Variants in SLC13A5 observed in about 807,000 individuals in gnomAD.
The protein encoded by SLC13A5 is solute carrier family 13 member 5.
A neutral mutation model predicts 56.5 loss-of-function variants in SLC13A5; 25 were observed. The observed-to-expected ratio is 0.44, with a 90% CI of 0.32 to 0.62. The LOEUF is 0.62. SLC13A5 is among the 20% of genes least tolerant of loss of function. The pLI is 0.04. For missense variants in SLC13A5, 649 were observed against 737.8 expected (o/e 0.88, Z 1.39); for synonymous variants, 307 against 301.5 (o/e 1.02, Z -0.19).
At position 6,701,799 on chromosome 17, in the gene SLC13A5, G is replaced by A. The variant is rs1018811817; in HGVS notation, c.717-673C>T. 3.9e-5 allele frequency among the ~76,000 whole-genome samples: 6 copies of A among 152,324 alleles called. No individual in the cohort carries two copies. Among genetic ancestry groups the A allele is most frequent in the African/African-American group, 7.2e-5 (3 of 41,590 alleles). On this transcript the variant is annotated intron_variant, in intron 5 of 11. Coordinates refer to ENST00000433363, the MANE Select transcript of SLC13A5 (RefSeq NM_177550.5). This position sits in a 1 kb window ranked among gnomAD's most constrained non-coding sequence, Gnocchi z 4.1. ...GATCTGCAGAGACCTCAGCAATCTCGCTCTGTGGGTTTCTGCAAAGAACGG... is the reference window on the plus strand; with the variant it reads ...GATCTGCAGAGACCTCAGCAATCTCACTCTGTGGGTTTCTGCAAAGAACGG...
chr17:6,708,451 CATTG>C (rs1973930258), intron 1 of SLC13A5, among the ~76,000 whole-genome samples: 1 of 152,232 alleles, frequency 6.6e-6, no homozygotes, highest in Non-Finnish European at 1.5e-5. Flanking sequence ...CACTTAACAT[CATTG>C]ATTGGTTTTT....
In SLC13A5 at chr17:6,685,071, G is replaced by A. The variant is rs1011782847; in HGVS notation, c.*1136C>T. ...TCAAGTAGATTGGCCCACGGGCAGG[G>A]GTTGTTTGCTGAGAGATCACCAAGC... On this transcript the variant is annotated 3_prime_UTR_variant, in exon 12 of 12. Coordinates refer to ENST00000433363, the MANE Select transcript of SLC13A5 (RefSeq NM_177550.5). The surrounding 1 kb of genome is among the most constrained non-coding windows in gnomAD (Gnocchi z 4.2). 1 of 152,198 alleles carries A rather than the reference G, an allele frequency of 6.6e-6. No homozygotes were observed. Among genetic ancestry groups the A allele is most frequent in the Non-Finnish European group, 1.5e-5 (1 of 68,046 alleles). 9.4% of individuals were successfully genotyped at this position (152,198 alleles called of 1,614,324 possible). A position where few individuals can be genotyped will look rare whatever the true frequency, so the allele number is the denominator to read the frequency against.
Position 6,693,083 on chromosome 17 carries a change from C to A in SLC13A5, c.1236G>T (p.Leu412=). The change falls in exon 9 of 12, where the codon CTG becomes CTT. Residue 412 remains leucine, a synonymous_variant. Transcript: ENST00000433363. ...CCAGAGCAAATCCGCCCCCTAGTAGCAGCACGATGCCCCAGGGCACTTTCT... is the reference window on the plus strand; with the variant it reads ...CCAGAGCAAATCCGCCCCCTAGTAGAAGCACGATGCCCCAGGGCACTTTCT... ...TQEKVPWGIV[L]LLGGGFALAK... 1 of 1,614,040 alleles carries A rather than the reference C, an allele frequency of 6.2e-7. No homozygotes were observed. Among genetic ancestry groups the A allele is most frequent in the Non-Finnish European group, 8.5e-7 (1 of 1,180,018 alleles).
At chr17:6,691,031 A>G in intron 9 of SLC13A5, 91 bp from the exon 10 acceptor site, 1 of 1,415,914 alleles carries the variant, frequency 7.1e-7, no homozygotes, top group Non-Finnish European at 9.5e-7. Flanking sequence ...TCCCCTCCCG[A>G]CCCTCTCTCT....
chr17:6,706,195 T>C (rs1307772701), intron 3 of SLC13A5, among the ~76,000 whole-genome samples: 7 of 152,150 alleles, frequency 4.6e-5, no homozygotes, highest in Admixed American at 2.6e-4. Flanking sequence ...TCGGGGAAGA[T>C]AAGAAGCTTC....
rs1052745335 is a variant in SLC13A5, at chr17:6,701,484, G to A, written c.717-358C>T. On this transcript the variant is annotated intron_variant, in intron 5 of 11. Transcript: ENST00000433363. The surrounding 1 kb of genome is among the most constrained non-coding windows in gnomAD (Gnocchi z 4.1). ...TCCAGGACTCTGGGAGGCCGAGGCA[G>A]GTGGGGCACAAGGTCAGGAGCTTAA... Among the ~76,000 whole-genome samples, 1 of 152,220 alleles carries A rather than the reference G, an allele frequency of 6.6e-6. No individual in the cohort carries two copies. The highest frequency in any genetic ancestry group is 1.5e-5 in the Non-Finnish European group (1 of 68,038).
In SLC13A5 at chr17:6,706,719, G is replaced by A. The variant is rs748998615; in HGVS notation, c.291C>T (p.Ala97=). ...GCAGGTTCCAGCGCTCCACAGCCACGGCCACGATGAGGCCGCCCAGGAACA... is the reference window on the plus strand; with the variant it reads ...GCAGGTTCCAGCGCTCCACAGCCACAGCCACGATGAGGCCGCCCAGGAACA... ...NMLFLGGLIV[A]VAVERWNLHK... The change falls in exon 3 of 12, where the codon GCC becomes GCT. Residue 97 remains alanine, a synonymous_variant. Transcript: ENST00000433363. The A allele has an allele frequency of 1.2e-5, 20 of 1,613,918 alleles. No homozygotes were observed. Among genetic ancestry groups the A allele is most frequent in the Admixed American group, 3.3e-5 (2 of 59,996 alleles).
chr17:6,696,044 C>T (rs1567618097), intron 6 of SLC13A5, 103 bp from the exon 7 acceptor site: 21 of 1,095,196 alleles, frequency 1.9e-5, no homozygotes, highest in Non-Finnish European at 8.1e-6. Context: ...CAAAAAGACA[C>T]ATAATGCTGT....
Position 6,685,474 on chromosome 17 carries a change from T to G in SLC13A5, c.*733A>C, listed in dbSNP as rs1282883049. ...GACCAAGGAGTTGAAGGAGGCTCAC[T>G]GGAGAGGTGGGACAGGGGGCCAGTC... On this transcript the variant is annotated 3_prime_UTR_variant, in exon 12 of 12. Coordinates refer to ENST00000433363, the MANE Select transcript of SLC13A5 (RefSeq NM_177550.5). The surrounding 1 kb of genome is among the most constrained non-coding windows in gnomAD (Gnocchi z 4.2). 6.6e-6 allele frequency: 1 copy of G among 152,468 alleles called. No homozygotes were observed. Among genetic ancestry groups the G allele is most frequent in the African/African-American group, 2.4e-5 (1 of 41,450 alleles). 9.4% of individuals were successfully genotyped at this position (152,468 alleles called of 1,614,324 possible).
Position 6,693,087 on chromosome 17 carries a change from A to G in SLC13A5, c.1232T>C (p.Val411Ala). Residue 411 changes from valine to alanine, a missense_variant, in exon 9 of 12, where the codon GTG becomes GCG. Transcript: ENST00000433363. Reference sequence around the variant, plus strand: ...AGCAAATCCGCCCCCTAGTAGCAGCACGATGCCCCAGGGCACTTTCTCCTG... The same window carrying G: ...AGCAAATCCGCCCCCTAGTAGCAGCGCGATGCCCCAGGGCACTTTCTCCTG... ...VTQEKVPWGI[V>A]LLLGGGFALA... is the part of the protein sequence containing the mutation. 1.2e-6 allele frequency: 2 copies of G among 1,613,618 alleles called. No homozygotes were observed. Among genetic ancestry groups the G allele is most frequent in the Non-Finnish European group, 1.7e-6 (2 of 1,179,806 alleles).
intron 6 of SLC13A5, among the ~76,000 whole-genome samples, chr17:6,697,675 A>C (rs555036491): frequency 5.9e-5 from 9 of 152,322 alleles, no homozygotes; most frequent in African/African-American, 2.2e-4. Flanking sequence ...TGAGCTTTGC[A>C]TGCCTCTGCC....
At position 6,687,851 on chromosome 17, in the gene SLC13A5, C is replaced by A; in HGVS notation, c.1438-185G>T. On this transcript the variant is annotated intron_variant, in intron 10 of 11. Transcript: ENST00000433363. This position sits in a 1 kb window ranked among gnomAD's most constrained non-coding sequence, Gnocchi z 5.0. ...CCTACGGAACACTGAAGGCTGAGGTCAGAGGCCACCTGCCCTAGAAGGCCT... is the reference window on the plus strand; with the variant it reads ...CCTACGGAACACTGAAGGCTGAGGTAAGAGGCCACCTGCCCTAGAAGGCCT... 1.6e-6 allele frequency: 1 copy of A among 641,072 alleles called. No individual in the cohort carries two copies. Among genetic ancestry groups the A allele is most frequent in the Non-Finnish European group, 2.4e-6 (1 of 408,626 alleles). The allele number at this position is 641,072 out of a possible 1,614,324, so 39.7% of individuals were successfully genotyped here.
intron 10 of SLC13A5, chr17:6,690,079 AAAAAAAAAAAAAAAAAC>A (rs1242260784): frequency 2.7e-5 from 4 of 148,462 alleles, no homozygotes; most frequent in South Asian, 2.2e-4. Context: ...AAAAAAAAAA[AAAAAAAAAAAAAAAAAC>A]CATAGCCACT....
intron 6 of SLC13A5, among the ~76,000 whole-genome samples, chr17:6,696,859 G>A (rs1973575703): frequency 6.6e-6 from 1 of 152,144 alleles, no homozygotes; most frequent in Admixed American, 6.5e-5. Context: ...GGAAGGGGTT[G>A]ATGGAATAGG....
intron 6 of SLC13A5, among the ~76,000 whole-genome samples, chr17:6,697,707 C>A (rs1214658970): frequency 6.6e-6 from 1 of 151,992 alleles, no homozygotes; most frequent in Non-Finnish European, 1.5e-5. Flanking sequence ...CCCAAAGAAC[C>A]CTCATGGCTA....
intron 6 of SLC13A5, among the ~76,000 whole-genome samples, chr17:6,697,822 T>C (rs1000556764): frequency 6.6e-6 from 1 of 152,228 alleles, no homozygotes; most frequent in African/African-American, 2.4e-5. Flanking sequence ...TGGCTAGATA[T>C]AGCCTAGGAG....
intron 1 of SLC13A5, among the ~76,000 whole-genome samples, chr17:6,709,190 C>T (rs1195668725): frequency 6.6e-6 from 1 of 151,852 alleles, no homozygotes; most frequent in Non-Finnish European, 1.5e-5. Context: ...TGTAGATCAC[C>T]GTCCTCAGCA....
At chr17:6,697,379 G>A (rs1360498733) in intron 6 of SLC13A5, among the ~76,000 whole-genome samples, 3 of 152,198 alleles carry the variant, frequency 2.0e-5, no homozygotes, top group Non-Finnish European at 4.4e-5. Context: ...GGGGCTGCAT[G>A]GAGTATGCAG....
At chr17:6,706,865 G>A in intron 2 of SLC13A5, 87 bp from the exon 3 acceptor site, 1 of 1,580,292 alleles carries the variant, frequency 6.3e-7, no homozygotes, top group Non-Finnish European at 8.6e-7. Context: ...TTCAGGGACA[G>A]CTTGGAGTGG....
Sources: allele counts gnomAD v4.1 joint callset (sites outside exome capture counted in the v4.1 genomes callset), GRCh38; gene constraint gnomAD v4.1.1; non-coding constraint Gnocchi (gnomAD v3.1); transcripts MANE v1.5; gene names NCBI Gene and HGNC (gene_info 2026-07-23, HGNC 2026-07-21).